Variants in TENM2 observed in about 807,000 individuals in gnomAD.
TENM2 encodes the protein teneurin transmembrane protein 2.
In TENM2, 52 loss-of-function variants were observed where a neutral mutation model predicts 245.2. That is an observed-to-expected ratio of 0.21 (90% CI 0.17 to 0.27). The LOEUF is 0.27. TENM2 is among the 10% of genes least tolerant of loss of function. TENM2 has a pLI of 1.00. For synonymous variants in TENM2, 1,363 were observed against 1,438.9 expected (o/e 0.95, Z 1.19); for missense variants, 3,046 against 3,666.8 (o/e 0.83, Z 4.37).
chr5:167,711,712 G>A (rs1758924990), intron 2 of TENM2, among the ~76,000 whole-genome samples: 1 of 152,082 alleles, frequency 6.6e-6, no homozygotes, highest in African/African-American at 2.4e-5. Context: ...CCCCCTTCCT[G>A]TTTTGCACTG....
chr5:168,047,468 G>C (rs2152037277), exon 6 of TENM2: 1 of 1,551,750 alleles, frequency 6.4e-7, no homozygotes, highest in South Asian at 1.2e-5. Flanking sequence ...CCAGCCTGCA[G>C]ATGGGCACAC....
At chr5:167,337,123 C>CAAAAAA (rs71591174) in intron 1 of TENM2, among the ~76,000 whole-genome samples, 31 of 56,664 alleles carry the variant, frequency 5.5e-4, no homozygotes, top group Middle Eastern at 0.022. Flanking sequence ...GACTCCGTCT[C>CAAAAAA]AAAAAAAAAA....
At chr5:167,070,284 ATTTT>A in the TENM2 span, among the ~76,000 whole-genome samples, 1 of 99,354 alleles carries the variant, frequency 1.0e-5, no homozygotes, top group African/African-American at 5.5e-5. Context: ...CGCCCGGCTA[ATTTT>A]TTTTTTTTTT....
the TENM2 span, among the ~76,000 whole-genome samples, chr5:167,120,580 T>C: frequency 7.3e-4 from 111 of 152,360 alleles, no homozygotes; most frequent in Middle Eastern, 0.01. Context: ...TATGGTCTTA[T>C]GATTTAGATT....
At chr5:168,072,913 C>A (rs567341243) in intron 7 of TENM2, among the ~76,000 whole-genome samples, 1 of 152,156 alleles carries the variant, frequency 6.6e-6, no homozygotes, top group African/African-American at 2.4e-5. Context: ...ATGCAAACTG[C>A]GCTTCAGCTG....
chr5:167,874,814 G>A (rs888226483), intron 2 of TENM2, among the ~76,000 whole-genome samples: 5 of 152,164 alleles, frequency 3.3e-5, no homozygotes, highest in Non-Finnish European at 7.3e-5. Context: ...CCCAAGGGCC[G>A]CTCCATGTCA....
chr5:167,652,346 T>C (rs972097466), intron 2 of TENM2, among the ~76,000 whole-genome samples: 2 of 152,226 alleles, frequency 1.3e-5, no homozygotes, highest in African/African-American at 2.4e-5. Flanking sequence ...CATTACCACA[T>C]TTAACAATAA....
At chr5:167,052,000 C>A in the TENM2 span, among the ~76,000 whole-genome samples, 4 of 152,038 alleles carry the variant, frequency 2.6e-5, no homozygotes, top group Non-Finnish European at 5.9e-5. Context: ...GAGTGGATAT[C>A]TTCTGTGTAT....
At chr5:167,268,180 G>C in the TENM2 span, among the ~76,000 whole-genome samples, 17,174 of 152,150 alleles carry the variant, frequency 0.11, 1,138 homozygotes, top group East Asian at 0.18. Context: ...AAAATAATTT[G>C]ATGTAATTGT....
At chr5:167,498,846 G>A (rs1001966269) in intron 2 of TENM2, among the ~76,000 whole-genome samples, 5 of 151,972 alleles carry the variant, frequency 3.3e-5, no homozygotes, top group Admixed American at 6.6e-5. Flanking sequence ...GTGTGGGAGC[G>A]GATTACTGAG....
chr5:167,685,970 G>GT (rs1288680763), intron 2 of TENM2, among the ~76,000 whole-genome samples: 1 of 152,168 alleles, frequency 6.6e-6, no homozygotes, highest in Non-Finnish European at 1.5e-5. Context: ...TAGTGGTGGT[G>GT]TTACCTTGAG....
chr5:168,240,147 G>A (rs914795415), intron 25 of TENM2, among the ~76,000 whole-genome samples: 36 of 152,306 alleles, frequency 2.4e-4, no homozygotes, highest in African/African-American at 6.7e-4. Context: ...TTGAACCCAG[G>A]GGGCAGAGGT....
chr5:167,195,545 G>A, the TENM2 span, among the ~76,000 whole-genome samples: 4 of 152,018 alleles, frequency 2.6e-5, no homozygotes, highest in African/African-American at 7.2e-5. Flanking sequence ...CATGAATAAC[G>A]TGTTTCAATA....
chr5:168,134,237 A>G (rs1207645015), intron 12 of TENM2, among the ~76,000 whole-genome samples: 1 of 152,102 alleles, frequency 6.6e-6, no homozygotes, highest in Non-Finnish European at 1.5e-5. Context: ...TCTAACCTTT[A>G]TGTGTCTCAG....
At chr5:167,643,143 C>A (rs1779719115) in intron 2 of TENM2, among the ~76,000 whole-genome samples, 1 of 152,132 alleles carries the variant, frequency 6.6e-6, no homozygotes, top group Admixed American at 6.5e-5. Context: ...TAAAATTGTC[C>A]ATCTGAGGGT....
chr5:167,970,261 G>A (rs947295780), intron 4 of TENM2, among the ~76,000 whole-genome samples: 6 of 152,174 alleles, frequency 3.9e-5, no homozygotes, highest in African/African-American at 7.2e-5. Context: ...CTTCTCAAAC[G>A]TCCCACGACT....
At chr5:167,218,389 G>T in the TENM2 span, among the ~76,000 whole-genome samples, 1 of 151,934 alleles carries the variant, frequency 6.6e-6, no homozygotes, top group Non-Finnish European at 1.5e-5. Flanking sequence ...TCCCCTCCTG[G>T]TTGCTTATTT....
Position 168,185,915 on chromosome 5 carries a change from CATATATATATATATATATATATAT to C in TENM2, c.2570-4395_2570-4372del, listed in dbSNP as rs200942772. ...GGACATATACTATATACCAGACTGA[CATATATATATATATATATATATAT>C]ATATATATATATATATATATATATA... On this transcript the variant is annotated intron_variant, in intron 13 of 28. Transcript: ENST00000518659. 2.6e-3 allele frequency among the ~76,000 whole-genome samples: 195 copies of C among 73,642 alleles called. 1 individual carries two copies. The highest frequency in any genetic ancestry group is 4.1e-3 in the Admixed American group (22 of 5,394). The allele number at this position is 73,642 out of a possible 152,430, so 48.3% of individuals were successfully genotyped here.
intron 3 of TENM2, among the ~76,000 whole-genome samples, chr5:167,915,263 G>A (rs1284727213): frequency 6.6e-6 from 1 of 152,122 alleles, no homozygotes; most frequent in Non-Finnish European, 1.5e-5. Context: ...ATGCAGCACA[G>A]CTAGACGTGG....
Sources: gnomAD v4.1 joint callset for allele counts (sites outside exome capture counted in the v4.1 genomes callset) on GRCh38, gnomAD v4.1.1 for gene constraint, MANE v1.5 for transcripts, NCBI Gene and HGNC (gene_info 2026-07-23, HGNC 2026-07-21) for gene names.